CCDC141: variants seen among roughly 807,000 people sequenced by gnomAD.
The protein encoded by CCDC141 is coiled-coil domain-containing protein 141.
CCDC141 carries 168 observed loss-of-function variants against 181.0 expected under a neutral mutation model. The ratio of observed to expected loss-of-function variants is 0.93; its 90% CI spans 0.82 to 1.05. The LOEUF is 1.05. Ranked by LOEUF, CCDC141 falls within the 50% of genes least tolerant of loss-of-function variation. CCDC141 has a pLI of 0.00. For synonymous variants in CCDC141, 666 were observed against 642.3 expected (o/e 1.04, Z -0.56); for missense variants, 1,902 against 1,788.5 (o/e 1.06, Z -1.14).
At chr2:179,013,498 A>G (rs529485955) in intron 2 of CCDC141, among the ~76,000 whole-genome samples, 6 of 152,188 alleles carry the variant, frequency 3.9e-5, no homozygotes, top group African/African-American at 9.6e-5. Context: ...TCCCATACTC[A>G]TGGATGGGTA....
In CCDC141 at chr2:178,871,417, A is replaced by G. The variant is rs761700374; in HGVS notation, c.2205+10T>C. On this transcript the variant is annotated intron_variant, in intron 14 of 23. Coordinates refer to ENST00000443758, the MANE Select transcript of CCDC141 (RefSeq NM_173648.4). ...TCCATTCACCCAAATCCAGCAATATATTTCTTCACCTGGAACTGAGGCTTC... is the reference window on the plus strand; with the variant it reads ...TCCATTCACCCAAATCCAGCAATATGTTTCTTCACCTGGAACTGAGGCTTC... 1.9e-6 allele frequency: 3 copies of G among 1,609,796 alleles called. No individual in the cohort carries two copies. The South Asian group carries it at 3.3e-5, about 18-fold the overall frequency.
chr2:178,827,010 C>G (rs1257451772), downstream of CCDC141, among the ~76,000 whole-genome samples: 1 of 152,086 alleles, frequency 6.6e-6, no homozygotes, highest in Non-Finnish European at 1.5e-5. Context: ...ACATTTTCCT[C>G]TACACACTAT....
At chr2:178,906,149 T>TA (rs772430615) in intron 7 of CCDC141, among the ~76,000 whole-genome samples, 11 of 152,302 alleles carry the variant, frequency 7.2e-5, no homozygotes, top group African/African-American at 1.2e-4. Context: ...GGATTATGCA[T>TA]AAAAAACATA....
chr2:178,885,199 T>C (rs768153311), intron 10 of CCDC141, 107 bp from the exon 11 acceptor site: 3 of 625,226 alleles, frequency 4.8e-6, no homozygotes, highest in Non-Finnish European at 7.5e-6. Context: ...ATTGAACTTA[T>C]ACCAAGAATC....
At chr2:178,927,784 G>A (rs904495829) in intron 6 of CCDC141, among the ~76,000 whole-genome samples, 14 of 152,114 alleles carry the variant, frequency 9.2e-5, no homozygotes, top group African/African-American at 3.1e-4. Context: ...GTGAGATCTA[G>A]AATAGGATCC....
intron 17 of CCDC141, among the ~76,000 whole-genome samples, chr2:178,864,575 G>A (rs1335088094): frequency 6.6e-6 from 1 of 152,144 alleles, no homozygotes; most frequent in Non-Finnish European, 1.5e-5. Context: ...ATTATCAGAT[G>A]TCAGTTCCTG....
In CCDC141 at chr2:178,961,233, G is replaced by A. The variant is rs1186853195; in HGVS notation, c.777C>T (p.Asn259=). 3.2e-6 allele frequency: 5 copies of A among 1,549,950 alleles called. No individual in the cohort carries two copies. The highest frequency in any genetic ancestry group is 4.4e-6 in the Non-Finnish European group (5 of 1,146,634). Residue 259 remains asparagine, a synonymous_variant, in exon 5 of 24, where the codon AAC becomes AAT. Transcript: ENST00000443758. ...LQICQWDQQE[N]QVTCWFQKTI... is the part of the protein sequence containing the mutation. ...ATCCAATGCCCCTTTGGGTTACCTG[G>A]TTTTCTTGTTGGTCCCACTGACATA...
chr2:178,977,595 GT>G lies in CCDC141; in HGVS notation c.417+888del, dbSNP rs538893568. Among the ~76,000 whole-genome samples, 12 of 152,242 alleles carry G rather than the reference GT, an allele frequency of 7.9e-5. No homozygotes were observed. The East Asian group carries it at 2.3e-3, about 29-fold the overall frequency. On this transcript the variant is annotated intron_variant, in intron 3 of 23. Coordinates refer to ENST00000443758, the MANE Select transcript of CCDC141 (RefSeq NM_173648.4). ...ATTCCTCCCTTTTGCTTTTAAACAA[GT>G]TCATGATGCATGAGATTGCCTACTC...
intron 6 of CCDC141, among the ~76,000 whole-genome samples, chr2:178,921,659 C>T (rs1688694718): frequency 1.3e-5 from 2 of 152,010 alleles, no homozygotes; most frequent in Admixed American, 6.6e-5. Flanking sequence ...TTTGGGCAAA[C>T]TCTTTTGATT....
chr2:178,832,913 G>A lies in CCDC141; in HGVS notation c.*1260C>T, dbSNP rs1270232053. ...CAAAAAATGATCTTTTCTGAATAAA[G>A]TGTTTCAGAAAGGCATAGAATACTT... On this transcript the variant is annotated 3_prime_UTR_variant, in exon 24 of 24. Coordinates refer to ENST00000443758, the MANE Select transcript of CCDC141 (RefSeq NM_173648.4). 2 of 152,058 alleles carry A rather than the reference G, an allele frequency of 1.3e-5. No individual in the cohort carries two copies. Among genetic ancestry groups the A allele is most frequent in the African/African-American group, 4.8e-5 (2 of 41,416 alleles). 9.4% of individuals were successfully genotyped at this position (152,058 alleles called of 1,614,324 possible).
intron 2 of CCDC141, among the ~76,000 whole-genome samples, chr2:178,983,843 T>C (rs1206513997): frequency 5.3e-5 from 8 of 151,142 alleles, no homozygotes; most frequent in Non-Finnish European, 1.2e-4. Flanking sequence ...ATCTGATTGG[T>C]GTACCTGAAA....
intron 8 of CCDC141, among the ~76,000 whole-genome samples, chr2:178,890,932 A>G (rs1159321737): frequency 6.6e-6 from 1 of 152,154 alleles, no homozygotes; most frequent in Non-Finnish European, 1.5e-5. Context: ...AGAATCCTTA[A>G]AATAACTTTG....
chr2:178,923,396 G>T (rs186440385), intron 6 of CCDC141, among the ~76,000 whole-genome samples: 1 of 152,108 alleles, frequency 6.6e-6, no homozygotes, highest in Non-Finnish European at 1.5e-5. Context: ...GAGCCACCGC[G>T]CCCGGCCCCA....
Position 178,905,377 on chromosome 2 carries a change from T to C in CCDC141, c.1217A>G (p.Asp406Gly). The C allele has an allele frequency of 1.3e-6, 2 of 1,550,502 alleles. No homozygotes were observed. Among genetic ancestry groups the C allele is most frequent in the East Asian group, 2.4e-5 (1 of 40,910 alleles). ...TAAGGTTTGTCCCTTTTGCAAAGCA[T>C]CAGTTGTGCAGTCTTTAATTTTTCT... ...LHRKIKDCTT[D>G]ALQKGQTLIS... is the part of the protein sequence containing the mutation. Residue 406 changes from aspartate (D) to glycine (G), a missense_variant, in exon 8 of 24, where the codon GAT (aspartate) becomes GGT (glycine). Asp to Gly is a moderately conservative substitution (Grantham distance 94). Coordinates refer to ENST00000443758, the MANE Select transcript of CCDC141 (RefSeq NM_173648.4).
At chr2:179,036,241 A>T (rs2043141313) in intron 2 of CCDC141, among the ~76,000 whole-genome samples, 3 of 152,152 alleles carry the variant, frequency 2.0e-5, no homozygotes, top group Non-Finnish European at 4.4e-5. Context: ...CCCTTTGGTA[A>T]ATCAACTCCC....
At chr2:178,981,700 AG>A (rs1393709783) in intron 2 of CCDC141, among the ~76,000 whole-genome samples, 1 of 141,458 alleles carries the variant, frequency 7.1e-6, no homozygotes, top group Admixed American at 7.2e-5. Context: ...AGAGAGAGAG[AG>A]AAAAAAAAAC....
intron 17 of CCDC141, among the ~76,000 whole-genome samples, chr2:178,857,163 C>T (rs1453740519): frequency 3.9e-5 from 6 of 152,078 alleles, no homozygotes; most frequent in Admixed American, 3.9e-4. Context: ...TGCCCCAGAT[C>T]TCTCTATCTT....
At chr2:178,818,561 A>C in the CCDC141 span, among the ~76,000 whole-genome samples, 5 of 152,270 alleles carry the variant, frequency 3.3e-5, no homozygotes, top group South Asian at 8.3e-4. Context: ...AGTTTCCTGA[A>C]GATAATGGCT....
chr2:178,962,041 C>G (rs1461740426), intron 4 of CCDC141, among the ~76,000 whole-genome samples: 1 of 152,090 alleles, frequency 6.6e-6, no homozygotes, highest in African/African-American at 2.4e-5. Flanking sequence ...AAAAGAGTTT[C>G]AAATGCAAAT....
Sources: gnomAD v4.1 joint callset for allele counts (sites outside exome capture counted in the v4.1 genomes callset) on GRCh38, gnomAD v4.1.1 for gene constraint, MANE v1.5 for transcripts, NCBI Gene and HGNC (gene_info 2026-07-23, HGNC 2026-07-21) for gene names.